The following OCA2 variants were observed in gnomAD, a reference collection of about 807,000 sequenced individuals.
OCA2 encodes P protein.
Under a neutral mutation model 100.2 loss-of-function variants are expected in OCA2, and 77 were observed. The observed-to-expected ratio is 0.77, with a 90% CI of 0.64 to 0.93. OCA2 has a LOEUF of 0.93. Ranked by LOEUF, OCA2 falls within the 40% of genes least tolerant of loss-of-function variation. The pLI is 0.00. For synonymous variants in OCA2, 432 were observed against 439.2 expected (o/e 0.98, Z 0.21); for missense variants, 1,062 against 1,089.1 (o/e 0.98, Z 0.35).
At chr15:27,743,317 A>G in the OCA2 span, among the ~76,000 whole-genome samples, 2 of 152,230 alleles carry the variant, frequency 1.3e-5, no homozygotes, top group Non-Finnish European at 2.9e-5. Flanking sequence ...GCAAGAGGAC[A>G]GTGACACTCT....
At chr15:27,790,064 T>C (rs979779898) in intron 23 of OCA2, among the ~76,000 whole-genome samples, 3 of 150,914 alleles carry the variant, frequency 2.0e-5, no homozygotes, top group Admixed American at 2.0e-4. Flanking sequence ...TCTGAAAATA[T>C]GAAAACTTCA....
chr15:27,755,073 T>G lies in OCA2; in HGVS notation c.*315A>C. Reference sequence around the variant, plus strand: ...AACAGTACAGTCAATTTTAGGTGGATGTGTGTCTTTTCCTATGTATAGCAG... The same window carrying G: ...AACAGTACAGTCAATTTTAGGTGGAGGTGTGTCTTTTCCTATGTATAGCAG... On this transcript the variant is annotated 3_prime_UTR_variant, in exon 24 of 24. Transcript: ENST00000354638. 2.8e-6 allele frequency: 1 copy of G among 358,698 alleles called. No individual in the cohort carries two copies. The highest frequency in any genetic ancestry group is 2.4e-5 in the South Asian group (1 of 41,780). The allele number at this position is 358,698 out of a possible 1,614,324, so 22.2% of individuals were successfully genotyped here. A position where few individuals can be genotyped will look rare whatever the true frequency, so the allele number is the denominator to read the frequency against.
At chr15:27,764,337 A>C (rs1331915720) in intron 23 of OCA2, among the ~76,000 whole-genome samples, 1 of 152,118 alleles carries the variant, frequency 6.6e-6, no homozygotes, top group Non-Finnish European at 1.5e-5. Flanking sequence ...ACCATGAGCC[A>C]GCAAAGAATA....
At chr15:27,917,995 G>A (rs1365258983) in intron 19 of OCA2, among the ~76,000 whole-genome samples, 1 of 151,914 alleles carries the variant, frequency 6.6e-6, no homozygotes, top group Non-Finnish European at 1.5e-5. Flanking sequence ...TACTTAAGTT[G>A]GAGAATTATT....
chr15:27,936,038 C>A (rs1486361047), intron 18 of OCA2, among the ~76,000 whole-genome samples: 1 of 152,226 alleles, frequency 6.6e-6, no homozygotes, highest in Non-Finnish European at 1.5e-5. Context: ...ACAGTACAAA[C>A]CACCCTGCCT....
chr15:28,053,488 A>T (rs1427505781), intron 2 of OCA2, among the ~76,000 whole-genome samples: 1 of 152,170 alleles, frequency 6.6e-6, no homozygotes, highest in Non-Finnish European at 1.5e-5. Flanking sequence ...GGCTGATTCC[A>T]AGCATTTCTC....
chr15:28,055,892 G>A (rs1221332378), intron 2 of OCA2, among the ~76,000 whole-genome samples: 11 of 152,324 alleles, frequency 7.2e-5, no homozygotes, highest in South Asian at 2.1e-4. Flanking sequence ...GCTCATCTCC[G>A]GAGGAGACAG....
chr15:28,095,016 C>T (rs1235242589), intron 1 of OCA2, among the ~76,000 whole-genome samples: 1 of 152,260 alleles, frequency 6.6e-6, no homozygotes, highest in East Asian at 1.9e-4. Flanking sequence ...CCTGCTCGGC[C>T]CAAGAAAAGG....
chr15:27,964,209 G>A (rs1366538674), intron 15 of OCA2, among the ~76,000 whole-genome samples: 1 of 152,136 alleles, frequency 6.6e-6, no homozygotes, highest in Admixed American at 6.5e-5. Flanking sequence ...CCAAAAAATT[G>A]AAGATGAGGA....
intron 6 of OCA2, among the ~76,000 whole-genome samples, chr15:28,021,207 G>A (rs1251915842): frequency 7.9e-5 from 12 of 152,166 alleles, no homozygotes; most frequent in Admixed American, 2.0e-4. Context: ...GATGCCCGCC[G>A]CACTAGCAGT....
chr15:27,986,558 A>G, intron 12 of OCA2, 29 bp downstream of exon 12: 3 of 1,344,610 alleles, frequency 2.2e-6, no homozygotes, highest in South Asian at 1.2e-5. Flanking sequence ...TAATCAGGAT[A>G]GAATTATTAA....
At chr15:27,805,666 A>G (rs892094758) in intron 23 of OCA2, among the ~76,000 whole-genome samples, 1 of 152,064 alleles carries the variant, frequency 6.6e-6, no homozygotes, top group African/African-American at 2.4e-5. Flanking sequence ...CTGGGCTGGG[A>G]CCAGAGCAGA....
At chr15:28,072,589 CA>C (rs760224063) in intron 2 of OCA2, among the ~76,000 whole-genome samples, 5,822 of 59,962 alleles carry the variant, frequency 0.097, 264 homozygotes, top group African/African-American at 0.27. Context: ...GATTCCGTCT[CA>C]AAAAAAAAAA....
intron 14 of OCA2, among the ~76,000 whole-genome samples, chr15:27,974,921 T>C (rs1261346591): frequency 6.6e-6 from 1 of 152,180 alleles, no homozygotes; most frequent in Non-Finnish European, 1.5e-5. Context: ...AGCAAGACCA[T>C]AGGGTGTACT....
At chr15:27,769,974 C>A (rs2031590262) in intron 23 of OCA2, among the ~76,000 whole-genome samples, 1 of 150,990 alleles carries the variant, frequency 6.6e-6, no homozygotes. Flanking sequence ...CAGCCTCATA[C>A]CCCATCTCCT....
chr15:27,935,454 T>G (rs1220834622), intron 18 of OCA2, among the ~76,000 whole-genome samples: 1 of 152,168 alleles, frequency 6.6e-6, no homozygotes, highest in East Asian at 1.9e-4. Flanking sequence ...CTGGGCAACA[T>G]GATTCAAAGG....
At chr15:27,961,195 A>G (rs1300227404) in intron 15 of OCA2, among the ~76,000 whole-genome samples, 1 of 152,234 alleles carries the variant, frequency 6.6e-6, no homozygotes, top group East Asian at 1.9e-4. Flanking sequence ...AACATATGAA[A>G]AAAAGCTCAT....
In OCA2 at chr15:28,025,507, A is replaced by G. The variant is rs181582127; in HGVS notation, c.516-605T>C. 3.2e-3 allele frequency among the ~76,000 whole-genome samples: 493 copies of G among 152,256 alleles called. 2 individuals carry two copies. Among genetic ancestry groups the G allele is most frequent in the African/African-American group, 0.011 (465 of 41,536 alleles). ...TCTTAACCATGACCCCCAAGGCCCTATGTGAACCTGGGCCTGGCCTGCACT... is the reference window on the plus strand; with the variant it reads ...TCTTAACCATGACCCCCAAGGCCCTGTGTGAACCTGGGCCTGGCCTGCACT... On this transcript the variant is annotated intron_variant, in intron 4 of 23. Transcript: ENST00000354638.
chr15:27,888,846 G>T (rs2037338324), intron 19 of OCA2, among the ~76,000 whole-genome samples: 1 of 152,036 alleles, frequency 6.6e-6, no homozygotes, highest in African/African-American at 2.4e-5. Context: ...TGGTTTTTCC[G>T]GGTCTGTTAC....
Sources: allele counts gnomAD v4.1 joint callset (sites outside exome capture counted in the v4.1 genomes callset), GRCh38; gene constraint gnomAD v4.1.1; transcripts MANE v1.5; gene names NCBI Gene and HGNC (gene_info 2026-07-23, HGNC 2026-07-21).